TBRG1: variants seen among roughly 807,000 people sequenced by gnomAD.
TBRG1 encodes the protein transforming growth factor beta regulator 1, also known as nuclear interactor of ARF and MDM2.
In TBRG1, 31 loss-of-function variants were observed where a neutral mutation model predicts 44.0. The ratio of observed to expected loss-of-function variants is 0.70; its 90% CI spans 0.53 to 0.95. The LOEUF is 0.95. TBRG1 is among the 40% of genes least tolerant of loss of function. TBRG1 has a pLI of 0.00. For synonymous variants in TBRG1, 171 were observed against 188.1 expected (o/e 0.91, Z 0.74); for missense variants, 487 against 496.1 (o/e 0.98, Z 0.18).
intron 2 of TBRG1, among the ~76,000 whole-genome samples, chr11:124,625,382 G>T (rs1270587568): frequency 1.3e-5 from 2 of 152,180 alleles, no homozygotes; most frequent in Admixed American, 1.3e-4. Flanking sequence ...AGCACAATGG[G>T]TATATATACA....
chr11:124,623,697 A>G (rs1232846419), intron 1 of TBRG1, among the ~76,000 whole-genome samples: 2 of 152,170 alleles, frequency 1.3e-5, no homozygotes, highest in East Asian at 3.8e-4. Flanking sequence ...TACACAGACT[A>G]TTTTCTGAGC....
chr11:124,625,939 C>T (rs1235163133), intron 3 of TBRG1, 36 bp downstream of exon 3: 1 of 1,517,962 alleles, frequency 6.6e-7, no homozygotes, highest in East Asian at 2.3e-5. Flanking sequence ...GCCCCAGTGA[C>T]TCACCTACTA....
intron 5 of TBRG1, among the ~76,000 whole-genome samples, chr11:124,628,316 G>T (rs939455991): frequency 1.3e-5 from 2 of 150,350 alleles, no homozygotes; most frequent in African/African-American, 4.9e-5. Context: ...CTTAGGGTGA[G>T]ATGAAAAGGC....
intron 6 of TBRG1, 101 bp from the exon 7 acceptor site, chr11:124,630,644 C>A: frequency 9.5e-7 from 1 of 1,056,926 alleles, no homozygotes; most frequent in Non-Finnish European, 1.4e-6. Flanking sequence ...TTATCAAAGT[C>A]AAGAAAGCTT....
intron 6 of TBRG1, 97 bp from the exon 7 acceptor site, chr11:124,630,648 A>G: frequency 1.9e-6 from 2 of 1,067,954 alleles, no homozygotes; most frequent in Non-Finnish European, 2.8e-6. Context: ...CAAAGTCAAG[A>G]AAGCTTATCC....
chr11:124,626,722 C>T (rs1942481007), intron 4 of TBRG1, 113 bp downstream of exon 4: 2 of 1,425,526 alleles, frequency 1.4e-6, no homozygotes, highest in Non-Finnish European at 1.9e-6. Context: ...CATACCAACC[C>T]CAGCGTATCT....
chr11:124,626,018 T>C, intron 3 of TBRG1, 115 bp downstream of exon 3: 2 of 1,377,700 alleles, frequency 1.5e-6, no homozygotes, highest in Non-Finnish European at 1.9e-6. Flanking sequence ...TCTCATCTGG[T>C]TCTTAAGGAG....
rs1019858946 is a variant in TBRG1, at chr11:124,628,081, A to T, written c.738+1031A>T. Among the ~76,000 whole-genome samples the T allele has an allele frequency of 9.6e-5, 5 of 51,864 alleles. No individual in the cohort carries two copies. The South Asian group carries it at 2.7e-3, about 28-fold the overall frequency. 34.0% of individuals were successfully genotyped at this position (51,864 alleles called of 152,430 possible). ...GTAGCTGTTTTATATATATATATAT[A>T]TATATATATATATATATATATATAT... On this transcript the variant is annotated intron_variant, in intron 5 of 8. Transcript: ENST00000441174.
intron 2 of TBRG1, 73 bp from the exon 3 acceptor site, chr11:124,625,598 A>G: frequency 1.5e-6 from 2 of 1,369,560 alleles, no homozygotes; most frequent in Non-Finnish European, 2.0e-6. Context: ...GGCTTTTCCC[A>G]GTACTTGAGT....
Position 124,623,093 on chromosome 11 carries a change from C to A in TBRG1, c.10C>A (p.Leu4Met), listed in dbSNP as rs1482176958. Residue 4 changes from leucine (L) to methionine (M), a missense_variant, in exon 1 of 9, where the codon CTG (leucine) becomes ATG (methionine). By Grantham distance (15) the Leu-to-Met change is conservative. Coordinates refer to ENST00000441174, the MANE Select transcript of TBRG1 (RefSeq NM_032811.3). MSLLDGLASSPRAP... is the reference protein window; with the variant it reads MSLMDGLASSPRAP... ...GTAGCGGGGCTGGACCATGAGCCTG[C>A]TGGACGGCCTCGCTTCCTCGCCGCG... 1.9e-6 allele frequency: 3 copies of A among 1,549,140 alleles called. No homozygotes were observed. The highest frequency in any genetic ancestry group is 2.6e-6 in the Non-Finnish European group (3 of 1,146,118).
chr11:124,624,950 A>C lies in TBRG1; in HGVS notation c.170A>C (p.Asp57Ala). 6.5e-7 allele frequency: 1 copy of C among 1,546,974 alleles called. No homozygotes were observed. Among genetic ancestry groups the C allele is most frequent in the Non-Finnish European group, 8.7e-7 (1 of 1,143,614 alleles). Residue 57 changes from aspartate to alanine, a missense_variant, in exon 2 of 9, where the codon GAT becomes GCT. By Grantham distance (126) the Asp-to-Ala change is moderately radical (BLOSUM62 -2). Coordinates refer to ENST00000441174, the MANE Select transcript of TBRG1 (RefSeq NM_032811.3). The stretch of plus-strand genomic sequence containing the variant: ...TTAAAGGAAAATGCTGCTATTTGTG[A>C]TGAAATTGCTCGTCTTGAGGAAAAA... ...ATVFENAAIC[D>A]EIARLEEKFL...
Position 124,630,377 on chromosome 11 carries a change from G to T in TBRG1, c.739-11G>T. 6.3e-7 allele frequency: 1 copy of T among 1,582,304 alleles called. No homozygotes were observed. Among genetic ancestry groups the T allele is most frequent in the South Asian group, 1.1e-5 (1 of 90,446 alleles). The stretch of plus-strand genomic sequence containing the variant: ...TGAGGATTGATCTCATTGCTCGTTT[G>T]TCTTTCTCAGTTTGAAATTGTTCCT... On this transcript the variant is annotated splice_polypyrimidine_tract_variant and intron_variant, in intron 5 of 8. Coordinates refer to ENST00000441174, the MANE Select transcript of TBRG1 (RefSeq NM_032811.3).
Position 124,632,551 on chromosome 11 carries a change from T to C in TBRG1, c.*313T>C, listed in dbSNP as rs1304005265. ...AGAGTGATAGAGAGCTGCAGGCTGC[T>C]ACAACAAATACCATAGACAGGTTGG... On this transcript the variant is annotated 3_prime_UTR_variant, in exon 9 of 9. Coordinates refer to ENST00000441174, the MANE Select transcript of TBRG1 (RefSeq NM_032811.3). 9.4e-6 allele frequency: 2 copies of C among 212,092 alleles called. No individual in the cohort carries two copies. Among genetic ancestry groups the C allele is most frequent in the East Asian group, 2.6e-4 (2 of 7,600 alleles). The allele number at this position is 212,092 out of a possible 1,614,324, so 13.1% of individuals were successfully genotyped here.
At position 124,633,482 on chromosome 11, in the gene TBRG1, A is replaced by G. The variant is rs756373265; in HGVS notation, c.*1244A>G. On this transcript the variant is annotated 3_prime_UTR_variant, in exon 9 of 9. Transcript: ENST00000441174. The stretch of plus-strand genomic sequence containing the variant: ...TGGAGTGGTGAGAATTGAATGGTTA[A>G]TGCACTGCCATTCATAATTGCCAAT... 6.6e-6 allele frequency: 1 copy of G among 152,250 alleles called. No homozygotes were observed. Among genetic ancestry groups the G allele is most frequent in the African/African-American group, 2.4e-5 (1 of 41,454 alleles). 9.4% of individuals were successfully genotyped at this position (152,250 alleles called of 1,614,324 possible).
In TBRG1 at chr11:124,630,437, C is replaced by T. The variant is rs373511727; in HGVS notation, c.788C>T (p.Ser263Phe). The change falls in exon 6 of 9, where the codon TCT becomes TTT. Residue 263 changes from serine to phenylalanine, a missense_variant. By Grantham distance (155) the Ser-to-Phe change is radical. Transcript: ENST00000441174. Reference protein sequence around the residue: ...DDPQNAIVSSSADACHAELLR... With the variant: ...DDPQNAIVSSFADACHAELLR... ...CCCCAGAATGCCATTGTCAGCTCTT[C>T]TGCAGATGCTTGTCATGCAGAACTG... The T allele has an allele frequency of 4.0e-5, 64 of 1,613,910 alleles. No homozygotes were observed. The Middle Eastern group carries it at 4.9e-4, about 12-fold the overall frequency.
chr11:124,631,075 G>A, intron 7 of TBRG1, 200 bp from the exon 8 acceptor site: 2 of 640,852 alleles, frequency 3.1e-6, no homozygotes, highest in South Asian at 2.1e-5. Context: ...TACCATGACA[G>A]CAAAAGGGGT....
chr11:124,626,767 T>C, intron 4 of TBRG1, 137 bp from the exon 5 acceptor site: 1 of 1,457,838 alleles, frequency 6.9e-7, no homozygotes, highest in East Asian at 2.5e-5. Context: ...TGTTGTCTGC[T>C]ACACAGCCTA....
At position 124,626,490 on chromosome 11, in the gene TBRG1, A is replaced by G; in HGVS notation, c.472A>G (p.Lys158Glu). 1 of 1,545,662 alleles carries G rather than the reference A, an allele frequency of 6.5e-7. No individual in the cohort carries two copies. Among genetic ancestry groups the G allele is most frequent in the Non-Finnish European group, 8.7e-7 (1 of 1,143,866 alleles). Residue 158 changes from lysine to glutamate, a missense_variant, in exon 4 of 9, where the codon AAG (lysine) becomes GAG (glutamate). Transcript: ENST00000441174. ...NKLEVLKKTC[K>E]KKKMAGGARK... ...CGTTTCAGTTCTGAAGAAAACATGC[A>G]AGAAAAAGAAAATGGCGGGAGGTGC...
At position 124,629,623 on chromosome 11, in the gene TBRG1, T is replaced by A. The variant is rs540342133; in HGVS notation, c.739-765T>A. ...TATACTCAGTAAAAATTGCTTTGACTTTTTTTAGAAATCAGTAGTGCTCGA... is the reference window on the plus strand; with the variant it reads ...TATACTCAGTAAAAATTGCTTTGACATTTTTTAGAAATCAGTAGTGCTCGA... On this transcript the variant is annotated intron_variant, in intron 5 of 8. Coordinates refer to ENST00000441174, the MANE Select transcript of TBRG1 (RefSeq NM_032811.3). Among the ~76,000 whole-genome samples, 29 of 152,066 alleles carry A rather than the reference T, an allele frequency of 1.9e-4. 1 individual carries two copies. The South Asian group carries it at 6.0e-3, about 32-fold the overall frequency.
Sources: allele counts gnomAD v4.1 joint callset (sites outside exome capture counted in the v4.1 genomes callset), GRCh38; gene constraint gnomAD v4.1.1; transcripts MANE v1.5; gene names NCBI Gene and HGNC (gene_info 2026-07-23, HGNC 2026-07-21).